The following KIAA1549 variants were observed in gnomAD, a reference collection of about 807,000 sequenced individuals.
The protein encoded by KIAA1549 is KIAA1549, also known as UPF0606 protein KIAA1549.
Under a neutral mutation model 156.4 loss-of-function variants are expected in KIAA1549, and 70 were observed. The ratio of observed to expected loss-of-function variants is 0.45; its 90% CI spans 0.37 to 0.55. The LOEUF (loss-of-function observed/expected upper bound fraction) is 0.55, where lower values mean the gene tolerates loss of function less well. KIAA1549 is among the 20% of genes least tolerant of loss of function. KIAA1549 has a pLI of 0.00. For missense variants in KIAA1549, 2,428 were observed against 2,540.9 expected (o/e 0.96, Z 0.96); for synonymous variants, 1,103 against 1,066.4 (o/e 1.03, Z -0.67).
At position 138,832,920 on chromosome 7, in the gene KIAA1549, A is replaced by G. The variant is rs1809582010; in HGVS notation, c.*4986T>C. On this transcript the variant is annotated 3_prime_UTR_variant, in exon 20 of 20. Coordinates refer to ENST00000422774, the MANE Select transcript of KIAA1549 (RefSeq NM_001164665.2). ...AGGTAACAAGTGTTAAGTCTATCAT[A>G]GTTGATGAGTATGTTACAGCAGCTG... 1 of 230,512 alleles carries G rather than the reference A, an allele frequency of 4.3e-6. No homozygotes were observed. The highest frequency in any genetic ancestry group is 6.2e-5 in the East Asian group (1 of 16,188). The allele number at this position is 230,512 out of a possible 1,614,324, so 14.3% of individuals were successfully genotyped here. A position where few individuals can be genotyped will look rare whatever the true frequency, so the allele number is the denominator to read the frequency against.
chr7:138,882,483 A>G (rs1811272632), intron 10 of KIAA1549, among the ~76,000 whole-genome samples: 1 of 152,220 alleles, frequency 6.6e-6, no homozygotes, highest in Non-Finnish European at 1.5e-5. Flanking sequence ...AGCTTGGTGT[A>G]GCTGGAGGTG....
At chr7:138,964,445 C>T (rs1432807519) in intron 1 of KIAA1549, among the ~76,000 whole-genome samples, 3 of 152,204 alleles carry the variant, frequency 2.0e-5, no homozygotes, top group South Asian at 4.1e-4. Flanking sequence ...AATGGGGATC[C>T]TTACAGTACC....
At chr7:138,845,079 T>C (rs994028556) in intron 17 of KIAA1549, among the ~76,000 whole-genome samples, 5 of 152,202 alleles carry the variant, frequency 3.3e-5, no homozygotes, top group East Asian at 1.9e-4. Flanking sequence ...ATAAAAATTA[T>C]TGAGGACTCC....
At position 138,919,085 on chromosome 7, in the gene KIAA1549, T is replaced by C. The variant is rs755263234; in HGVS notation, c.541A>G (p.Ser181Gly). ...GCTTCCCTGGGCAGCCCTGGTGGGC[T>C]GACTGTGATATACTGTATTGGAGAA... ...MVSPIQYITV[S>G]PPGLPREALE... Residue 181 changes from serine to glycine, a missense_variant, in exon 2 of 20, where the codon AGC becomes GGC. By Grantham distance (56) the Ser-to-Gly change is moderately conservative. Coordinates refer to ENST00000422774, the MANE Select transcript of KIAA1549 (RefSeq NM_001164665.2). 1 of 1,614,050 alleles carries C rather than the reference T, an allele frequency of 6.2e-7. No homozygotes were observed. Among genetic ancestry groups the C allele is most frequent in the Non-Finnish European group, 8.5e-7 (1 of 1,179,890 alleles).
At chr7:138,852,140 T>G in intron 17 of KIAA1549, 83 bp downstream of exon 17, 1 of 867,302 alleles carries the variant, frequency 1.2e-6, no homozygotes, top group Non-Finnish European at 1.9e-6. Context: ...CTGCTCATAT[T>G]AGCTAAAATT....
chr7:138,865,053 G>A (rs1031194258), intron 15 of KIAA1549, among the ~76,000 whole-genome samples: 1 of 152,038 alleles, frequency 6.6e-6, no homozygotes, highest in African/African-American at 2.4e-5. Context: ...CAAGGTGAAA[G>A]CCCATCTCTA....
chr7:138,962,802 G>A (rs554302578), intron 1 of KIAA1549, among the ~76,000 whole-genome samples: 1 of 152,268 alleles, frequency 6.6e-6, no homozygotes, highest in Admixed American at 6.5e-5. Context: ...CTGTTTCAGG[G>A]TGATTTGTTA....
rs1327351982 is a variant in KIAA1549 at position 138,832,189 on chromosome 7, TC to T, written c.*5716del. The T allele has an allele frequency of 3.3e-4, 65 of 195,274 alleles. 3 individuals are homozygous for T. Among genetic ancestry groups the T allele is most frequent in the Admixed American group, 7.8e-4 (11 of 14,154 alleles). The allele number at this position is 195,274 out of a possible 1,614,324, so 12.1% of individuals were successfully genotyped here. A position where few individuals can be genotyped will look rare whatever the true frequency, so the allele number is the denominator to read the frequency against. ...TTTCACCTCTGTCCCTTTTACCTAT[TC>T]CTTTTTTTTTTTTTTTTTTTTCCAG... On this transcript the variant is annotated 3_prime_UTR_variant, in exon 20 of 20. Coordinates refer to ENST00000422774, the MANE Select transcript of KIAA1549 (RefSeq NM_001164665.2).
At chr7:138,967,702 AAAAC>A (rs1311679202) in intron 1 of KIAA1549, among the ~76,000 whole-genome samples, 1 of 152,102 alleles carries the variant, frequency 6.6e-6, no homozygotes, top group Non-Finnish European at 1.5e-5. Context: ...AGGAGAAAAA[AAAAC>A]ACTCAATAGT....
At chr7:138,968,774 G>T (rs865827573) in intron 1 of KIAA1549, among the ~76,000 whole-genome samples, 27 of 151,102 alleles carry the variant, frequency 1.8e-4, no homozygotes, top group South Asian at 1.0e-3. Flanking sequence ...GCAGGAGAAT[G>T]GCGTGAACCT....
intron 10 of KIAA1549, 133 bp downstream of exon 10, chr7:138,894,209 A>G: frequency 1.2e-6 from 1 of 821,422 alleles, no homozygotes; most frequent in Non-Finnish European, 1.9e-6. Context: ...AAGTGATACC[A>G]CTATTAAAGC....
intron 1 of KIAA1549, among the ~76,000 whole-genome samples, chr7:138,969,499 T>C (rs1183004875): frequency 6.6e-6 from 1 of 152,262 alleles, no homozygotes; most frequent in Non-Finnish European, 1.5e-5. Flanking sequence ...TTCCACTGAA[T>C]GGCTAGACCA....
intron 8 of KIAA1549, among the ~76,000 whole-genome samples, chr7:138,899,962 G>T (rs11979662): frequency 0.23 from 34,218 of 152,042 alleles, 4,350 homozygotes; most frequent in African/African-American, 0.33. Context: ...GCAACAATGT[G>T]ATTACCCCTT....
In KIAA1549 at chr7:138,837,907, C is replaced by A. The variant is rs1809779956; in HGVS notation, c.5852G>T (p.Ter1951LeuextTer47). ...GGCAAATCTGCGAGGCGAGGCCGAT[C>A]AGCTGTGGAAGTTCTGCACGGTGCT... Reference protein sequence around the residue: ...KQSTVQNFHS* With the variant: ...KQSTVQNFHSL The change falls in exon 20 of 20, where the codon TGA (stop) becomes TTA (leucine). Residue 1951 changes from the stop codon to leucine (L), a stop_lost. Transcript: ENST00000422774. 6.2e-7 allele frequency: 1 copy of A among 1,612,970 alleles called. No homozygotes were observed. Among genetic ancestry groups the A allele is most frequent in the South Asian group, 1.1e-5 (1 of 90,870 alleles).
At chr7:138,951,309 G>A (rs1487486840) in intron 1 of KIAA1549, among the ~76,000 whole-genome samples, 7 of 152,096 alleles carry the variant, frequency 4.6e-5, no homozygotes, top group Non-Finnish European at 7.4e-5. Context: ...CCCTCCACCC[G>A]TGTCTTCGCC....
chr7:138,846,474 C>T (rs556516236), intron 17 of KIAA1549, among the ~76,000 whole-genome samples: 5 of 127,978 alleles, frequency 3.9e-5, no homozygotes, highest in South Asian at 5.6e-4. Flanking sequence ...GTGGAGGTTG[C>T]GGTGAGCGGA....
Position 138,907,063 on chromosome 7 carries a change from G to A in KIAA1549, c.3316C>T (p.Arg1106Trp), listed in dbSNP as rs375006179. Reference sequence around the variant, plus strand: ...AAGATGATATTCACCGGGCCCCGCCGAGGAGTCACCCTTGAGGAACTGATG... The same window carrying A: ...AAGATGATATTCACCGGGCCCCGCCAAGGAGTCACCCTTGAGGAACTGATG... ...ITISSSRVTP[R>W]RGPVNIIFAV... The change falls in exon 6 of 20, where the codon CGG becomes TGG. Residue 1106 changes from arginine (R) to tryptophan (W), a missense_variant. By Grantham distance (101) the Arg-to-Trp change is moderately radical. Coordinates refer to ENST00000422774, the MANE Select transcript of KIAA1549 (RefSeq NM_001164665.2). 40 of 1,611,104 alleles carry A rather than the reference G, an allele frequency of 2.5e-5. No individual in the cohort carries two copies. The African/African-American group carries it at 2.7e-4, about 11-fold the overall frequency.
rs114627827 is a variant in KIAA1549, at chr7:138,935,318, C to T, written c.188-15880G>A. The stretch of plus-strand genomic sequence containing the variant: ...ATTAAAATGTTGGTTTAATTGAAGG[C>T]AAGGTCCAGAGTATTTACCAAAAGA... On this transcript the variant is annotated intron_variant, in intron 1 of 19. Transcript: ENST00000422774. Among the ~76,000 whole-genome samples the T allele has an allele frequency of 4.1e-3, 620 of 152,306 alleles. 8 individuals carry two copies. The highest frequency in any genetic ancestry group is 0.015 in the African/African-American group (604 of 41,564).
intron 13 of KIAA1549, among the ~76,000 whole-genome samples, chr7:138,870,566 G>A (rs1179338882): frequency 6.6e-6 from 1 of 152,166 alleles, no homozygotes; most frequent in African/African-American, 2.4e-5. Flanking sequence ...CCTGAACTGC[G>A]TTGAAGCGTG....
Sources: gnomAD v4.1 joint callset for allele counts (sites outside exome capture counted in the v4.1 genomes callset) on GRCh38, gnomAD v4.1.1 for gene constraint, MANE v1.5 for transcripts, NCBI Gene and HGNC (gene_info 2026-07-23, HGNC 2026-07-21) for gene names.